LRBA: variants seen among roughly 807,000 people sequenced by gnomAD.
LRBA encodes the protein lipopolysaccharide-responsive and beige-like anchor protein.
A neutral mutation model predicts 330.0 loss-of-function variants in LRBA; 176 were observed. The ratio of observed to expected loss-of-function variants is 0.53; its 90% CI spans 0.47 to 0.60. The LOEUF is 0.60. Among genes scored for constraint, LRBA ranks in the 20% least tolerant of loss-of-function variants. The pLI, the probability that LRBA is intolerant of heterozygous loss-of-function variation, is 0.00. For synonymous variants in LRBA, 1,230 were observed against 1,193.0 expected (o/e 1.03, Z -0.64); for missense variants, 3,259 against 3,444.8 (o/e 0.95, Z 1.35).
intron 37 of LRBA, among the ~76,000 whole-genome samples, chr4:150,613,601 T>A (rs1321813916): frequency 2.0e-5 from 3 of 152,208 alleles, no homozygotes; most frequent in African/African-American, 7.2e-5. Context: ...TGGCTCCTGG[T>A]TTAAAACCTA....
chr4:150,443,853 A>AAAAAAATATATATATATATATAT (rs70941406), intron 44 of LRBA, among the ~76,000 whole-genome samples: 3 of 75,466 alleles, frequency 4.0e-5, no homozygotes, highest in Non-Finnish European at 8.9e-5. Context: ...TAATTAAAAA[A>AAAAAAATATATATATATATATAT]ATATATATAT....
chr4:150,807,780 G>C (rs1225601953), intron 32 of LRBA, among the ~76,000 whole-genome samples: 3 of 152,034 alleles, frequency 2.0e-5, no homozygotes, highest in South Asian at 2.1e-4. Context: ...CGAGTAGCTG[G>C]GACTAAAGGT....
At chr4:150,425,407 G>C (rs1327688388) in intron 46 of LRBA, among the ~76,000 whole-genome samples, 2 of 152,098 alleles carry the variant, frequency 1.3e-5, no homozygotes, top group African/African-American at 4.8e-5. Flanking sequence ...TAGGTAGATG[G>C]GTCTTAGAGG....
chr4:150,868,654 C>G (rs1210744502), intron 20 of LRBA, among the ~76,000 whole-genome samples: 1 of 152,080 alleles, frequency 6.6e-6, no homozygotes, highest in African/African-American at 2.4e-5. Context: ...TAAAAACAAG[C>G]AGGCCGGGCG....
intron 40 of LRBA, among the ~76,000 whole-genome samples, chr4:150,549,418 G>A (rs953569136): frequency 7.3e-5 from 11 of 151,422 alleles, no homozygotes; most frequent in African/African-American, 1.9e-4. Flanking sequence ...TGCAAGCTCC[G>A]CCTCCCGGGT....
At chr4:150,780,307 G>C (rs972374317) in intron 34 of LRBA, among the ~76,000 whole-genome samples, 1 of 151,892 alleles carries the variant, frequency 6.6e-6, no homozygotes, top group Non-Finnish European at 1.5e-5. Flanking sequence ...GAGCAAATAA[G>C]GTATCTTATG....
chr4:150,503,327 C>G (rs1013225336), intron 40 of LRBA, among the ~76,000 whole-genome samples: 1 of 152,194 alleles, frequency 6.6e-6, no homozygotes, highest in Non-Finnish European at 1.5e-5. Flanking sequence ...TGACACCTCA[C>G]ACGGCCGGGT....
In LRBA at chr4:150,321,064, T is replaced by C; in HGVS notation, c.7630+127A>G. The C allele has an allele frequency of 1.1e-6, 1 of 905,316 alleles. No individual in the cohort carries two copies. The highest frequency in any genetic ancestry group is 1.6e-6 in the Non-Finnish European group (1 of 608,190). The allele number at this position is 905,316 out of a possible 1,614,324, so 56.1% of individuals were successfully genotyped here. A position where few individuals can be genotyped will look rare whatever the true frequency, so the allele number is the denominator to read the frequency against. On this transcript the variant is annotated intron_variant, in intron 50 of 56. Transcript: ENST00000651943. The surrounding 1 kb of genome is among the most constrained non-coding windows in gnomAD (Gnocchi z 4.5). ...GGCCTTTTTTAAGCCTTTCAAACTA[T>C]TAAACAATTTGATTCAGACTAATGC...
intron 31 of LRBA, among the ~76,000 whole-genome samples, chr4:150,815,711 C>A (rs566110037): frequency 2.0e-5 from 3 of 151,924 alleles, no homozygotes; most frequent in Admixed American, 2.0e-4. Flanking sequence ...AGAAATGCCA[C>A]CTAAAGTAAA....
chr4:150,864,008 G>A (rs886790431), intron 22 of LRBA, among the ~76,000 whole-genome samples: 4 of 151,660 alleles, frequency 2.6e-5, no homozygotes, highest in African/African-American at 7.3e-5. Context: ...GTACGATCTC[G>A]GCTCACTGCA....
At chr4:150,376,472 T>C (rs1032789156) in intron 47 of LRBA, among the ~76,000 whole-genome samples, 1 of 152,178 alleles carries the variant, frequency 6.6e-6, no homozygotes, top group Admixed American at 6.5e-5. Context: ...TTCAAGTATA[T>C]ACCCTTCACT....
chr4:150,849,558 A>G lies in LRBA; in HGVS notation c.4022T>C (p.Val1341Ala). The change falls in exon 25 of 57, where the codon GTT becomes GCT. Residue 1341 changes from valine to alanine, a missense_variant. Transcript: ENST00000651943. Reference sequence around the variant, plus strand: ...ATCACTGCTATTCACGAAGTCCATAACTGTCTTTGTTGAATGGCTGTCCAA... The same window carrying G: ...ATCACTGCTATTCACGAAGTCCATAGCTGTCTTTGTTGAATGGCTGTCCAA... ...QMWRSHSTKT[V>A]MDFVNSSDNV... 1 of 1,612,614 alleles carries G rather than the reference A, an allele frequency of 6.2e-7. No homozygotes were observed. The highest frequency in any genetic ancestry group is 8.5e-7 in the Non-Finnish European group (1 of 1,179,014).
At chr4:150,804,779 T>G (rs1163137203) in intron 33 of LRBA, among the ~76,000 whole-genome samples, 1 of 152,024 alleles carries the variant, frequency 6.6e-6, no homozygotes, top group Non-Finnish European at 1.5e-5. Flanking sequence ...TAATTCTATA[T>G]CATCATTTAT....
At chr4:150,793,393 G>A (rs1445296411) in intron 34 of LRBA, among the ~76,000 whole-genome samples, 1 of 152,138 alleles carries the variant, frequency 6.6e-6, no homozygotes, top group African/African-American at 2.4e-5. Context: ...ATTTGGTAAT[G>A]ATAAAATTAG....
chr4:150,596,648 T>G (rs1450015587), intron 38 of LRBA, among the ~76,000 whole-genome samples: 1 of 151,866 alleles, frequency 6.6e-6, no homozygotes, highest in South Asian at 2.1e-4. Flanking sequence ...AACAATTTTG[T>G]TTTGCATACT....
intron 53 of LRBA, among the ~76,000 whole-genome samples, chr4:150,296,327 G>A (rs1247863820): frequency 6.6e-6 from 1 of 152,114 alleles, no homozygotes; most frequent in Non-Finnish European, 1.5e-5. Context: ...AAGAATGAAA[G>A]CTTAAAAAGC....
At chr4:150,302,893 G>T in intron 52 of LRBA, 101 bp from the exon 53 acceptor site, 1 of 739,742 alleles carries the variant, frequency 1.4e-6, no homozygotes, top group Non-Finnish European at 2.1e-6. Flanking sequence ...AACTCTGATG[G>T]TCATAATTCA....
intron 47 of LRBA, among the ~76,000 whole-genome samples, chr4:150,390,941 T>C (rs1490832507): frequency 1.3e-5 from 2 of 152,144 alleles, no homozygotes; most frequent in East Asian, 3.8e-4. Flanking sequence ...TTGTCTCCCA[T>C]TGTCTATTTA....
At chr4:150,981,223 C>T (rs186920069) in intron 2 of LRBA, among the ~76,000 whole-genome samples, 14 of 151,596 alleles carry the variant, frequency 9.2e-5, no homozygotes, top group African/African-American at 2.2e-4. Flanking sequence ...ACCAGCCTGG[C>T]CAACATAGTG....
Sources: gnomAD v4.1 joint callset for allele counts (sites outside exome capture counted in the v4.1 genomes callset) on GRCh38, gnomAD v4.1.1 for gene constraint, Gnocchi (gnomAD v3.1) non-coding constraint, MANE v1.5 for transcripts, NCBI Gene and HGNC (gene_info 2026-07-23, HGNC 2026-07-21) for gene names.